The following VPS13B variants were observed in gnomAD, a reference collection of about 807,000 sequenced individuals.
The protein encoded by VPS13B is vacuolar protein sorting 13 homolog B.
A neutral mutation model predicts 426.4 loss-of-function variants in VPS13B; 285 were observed. The observed-to-expected ratio is 0.67, with a 90% CI of 0.61 to 0.74. VPS13B has a LOEUF of 0.74. Among genes scored for constraint, VPS13B ranks in the 30% least tolerant of loss-of-function variants. VPS13B has a pLI of 0.00. For missense variants in VPS13B, 4,537 were observed against 4,782.6 expected (o/e 0.95, Z 1.51); for synonymous variants, 1,676 against 1,676.4 (o/e 1.00, Z 0.01).
rs1810086193 is a variant in VPS13B at position 99,136,681 on chromosome 8, T to G, written c.1580T>G (p.Ile527Arg). ...STHHKETYTEIAGMQRFGAFY... is the reference protein window; with the variant it reads ...STHHKETYTERAGMQRFGAFY... ...TGTTGGCAGGAGACATACACTGAGA[T>G]AGCTGGAATGCAACGGTTTGGGGCT... The change falls in exon 12 of 62, where the codon ATA (isoleucine) becomes AGA (arginine). Residue 527 changes from isoleucine to arginine, a missense_variant. Ile to Arg is a moderately conservative substitution (Grantham distance 97, BLOSUM62 -3). Coordinates refer to ENST00000357162, the MANE Select transcript of VPS13B (RefSeq NM_152564.5). 1 of 1,613,610 alleles carries G rather than the reference T, an allele frequency of 6.2e-7. No homozygotes were observed. The highest frequency in any genetic ancestry group is 8.5e-7 in the Non-Finnish European group (1 of 1,179,632).
At chr8:99,299,996 C>T (rs1330758459) in intron 19 of VPS13B, among the ~76,000 whole-genome samples, 3 of 152,158 alleles carry the variant, frequency 2.0e-5, no homozygotes, top group Non-Finnish European at 4.4e-5. Flanking sequence ...GATCATATAA[C>T]TACTACCTGA....
chr8:99,415,633 C>T (rs1588349875), intron 21 of VPS13B, among the ~76,000 whole-genome samples: 1 of 152,064 alleles, frequency 6.6e-6, no homozygotes, highest in African/African-American at 2.4e-5. Flanking sequence ...CATGCTATTC[C>T]TTTCTGTTTG....
chr8:99,074,644 ATTGT>A (rs1167865853), intron 3 of VPS13B, among the ~76,000 whole-genome samples: 4 of 150,874 alleles, frequency 2.7e-5, no homozygotes, highest in Non-Finnish European at 4.4e-5. Context: ...TTTTGTTGTT[ATTGT>A]TTGTTTGTTT....
intron 3 of VPS13B, among the ~76,000 whole-genome samples, chr8:99,045,202 C>T (rs1227864825): frequency 6.6e-6 from 1 of 152,098 alleles, no homozygotes; most frequent in Non-Finnish European, 1.5e-5. Flanking sequence ...TTACTGGAGC[C>T]ATGCCAATAT....
chr8:99,606,509 AAAAAAG>A (rs1469675575), intron 33 of VPS13B, among the ~76,000 whole-genome samples: 77 of 151,258 alleles, frequency 5.1e-4, no homozygotes, highest in East Asian at 3.7e-3. Context: ...AAAAAAAAAA[AAAAAAG>A]AAAAAAGAAA....
intron 17 of VPS13B, among the ~76,000 whole-genome samples, chr8:99,261,073 A>G (rs553623925): frequency 6.6e-6 from 1 of 152,132 alleles, no homozygotes; most frequent in Admixed American, 6.5e-5. Context: ...ATCAATATCA[A>G]TATCCCCTAT....
At chr8:99,427,422 T>A (rs1199399923) in intron 21 of VPS13B, among the ~76,000 whole-genome samples, 1 of 149,746 alleles carries the variant, frequency 6.7e-6, no homozygotes, top group Non-Finnish European at 1.5e-5. Context: ...CATATGAACT[T>A]TAAAGTAGTT....
chr8:99,555,745 T>C (rs1824527693), intron 30 of VPS13B, among the ~76,000 whole-genome samples: 1 of 152,162 alleles, frequency 6.6e-6, no homozygotes, highest in Non-Finnish European at 1.5e-5. Flanking sequence ...AATTTAACTT[T>C]ACAGATTATT....
At chr8:99,187,969 A>AAG (rs886363371) in intron 16 of VPS13B, among the ~76,000 whole-genome samples, 5 of 151,348 alleles carry the variant, frequency 3.3e-5, no homozygotes, top group Non-Finnish European at 5.9e-5. Context: ...CTGTCTTAAA[A>AAG]AGAGAGAGAG....
chr8:99,804,571 C>G (rs1237080985), intron 43 of VPS13B, among the ~76,000 whole-genome samples: 1 of 152,112 alleles, frequency 6.6e-6, no homozygotes, highest in Non-Finnish European at 1.5e-5. Flanking sequence ...CAAATATCAC[C>G]ACTGACATTT....
chr8:99,530,633 G>A (rs376785657), intron 30 of VPS13B, among the ~76,000 whole-genome samples: 420 of 149,446 alleles, frequency 2.8e-3, no homozygotes, highest in Non-Finnish European at 4.8e-3. Context: ...AAAAAAAATA[G>A]TAGCAGCAGC....
intron 24 of VPS13B, among the ~76,000 whole-genome samples, chr8:99,478,462 T>TTG (rs1819849035): frequency 6.5e-5 from 8 of 123,494 alleles, no homozygotes; most frequent in African/African-American, 1.9e-4. Context: ...TTTTTTTTTT[T>TTG]TTTGTTTTTT....
In VPS13B at chr8:99,313,142, T is replaced by A. The variant is rs561349114; in HGVS notation, c.2824+37888T>A. ...CCTTCTTTAGCTCGGAGAAGTTTGA[T>A]CGTCTGAAGCCTTCTTCTCTCAACT... is the stretch of plus-strand genomic sequence containing the variant. On this transcript the variant is annotated intron_variant, in intron 19 of 61. Coordinates refer to ENST00000357162, the MANE Select transcript of VPS13B (RefSeq NM_152564.5). 9.8e-5 allele frequency among the ~76,000 whole-genome samples: 15 copies of A among 152,320 alleles called. No homozygotes were observed. In the East Asian group the frequency reaches 2.9e-3, roughly 29 times the overall value.
intron 30 of VPS13B, among the ~76,000 whole-genome samples, chr8:99,543,620 AAAAC>A (rs1469123959): frequency 1.3e-5 from 2 of 151,566 alleles, no homozygotes; most frequent in South Asian, 2.1e-4. Context: ...TTACAAGAAA[AAAAC>A]AAACAACCCC....
At chr8:99,485,111 A>G (rs976118485) in intron 25 of VPS13B, among the ~76,000 whole-genome samples, 2 of 152,194 alleles carry the variant, frequency 1.3e-5, no homozygotes, top group Non-Finnish European at 2.9e-5. Flanking sequence ...GATATGCTTC[A>G]TGTAACTTGT....
In VPS13B at chr8:99,802,000, A is replaced by G. The variant is rs191915460; in HGVS notation, c.7942-7375A>G. 2.0e-5 allele frequency among the ~76,000 whole-genome samples: 3 copies of G among 152,086 alleles called. No homozygotes were observed. In the South Asian group the frequency reaches 6.2e-4, roughly 32 times the overall value. ...CACTATCTCTACAAAAGATACAAAA[A>G]TTAGTCGGGCATTATGGTGCATGCC... On this transcript the variant is annotated intron_variant, in intron 43 of 61. Transcript: ENST00000357162.
At chr8:99,792,252 A>G (rs1563919302) in intron 43 of VPS13B, among the ~76,000 whole-genome samples, 1 of 152,242 alleles carries the variant, frequency 6.6e-6, no homozygotes, top group South Asian at 2.1e-4. Context: ...AATATAACCC[A>G]AAATTACTTG....
At chr8:99,603,164 C>G (rs1391835300) in intron 33 of VPS13B, among the ~76,000 whole-genome samples, 1 of 151,994 alleles carries the variant, frequency 6.6e-6, no homozygotes, top group Non-Finnish European at 1.5e-5. Flanking sequence ...AATTGTATGT[C>G]CCTAAAAAAG....
At chr8:99,403,301 C>T (rs1815143311) in intron 21 of VPS13B, among the ~76,000 whole-genome samples, 1 of 152,076 alleles carries the variant, frequency 6.6e-6, no homozygotes, top group African/African-American at 2.4e-5. Flanking sequence ...GTAATTGAAG[C>T]ACTTTAAGAG....
Sources: gnomAD v4.1 joint callset for allele counts (sites outside exome capture counted in the v4.1 genomes callset) on GRCh38, gnomAD v4.1.1 for gene constraint, MANE v1.5 for transcripts, NCBI Gene and HGNC (gene_info 2026-07-23, HGNC 2026-07-21) for gene names.